Variants in SYNPO2 observed in about 807,000 individuals in gnomAD.
SYNPO2 encodes the protein synaptopodin 2.
In SYNPO2, 56 loss-of-function variants were observed where a neutral mutation model predicts 85.0. The ratio of observed to expected loss-of-function variants is 0.66; its 90% CI spans 0.53 to 0.82. The LOEUF (loss-of-function observed/expected upper bound fraction) is 0.82, where lower values mean the gene tolerates loss of function less well. SYNPO2 is among the 40% of genes least tolerant of loss of function. The pLI, the probability that SYNPO2 is intolerant of heterozygous loss-of-function variation, is 0.00. For synonymous variants in SYNPO2, 602 were observed against 591.1 expected (o/e 1.02, Z -0.27); for missense variants, 1,575 against 1,534.2 (o/e 1.03, Z -0.44).
intron 1 of SYNPO2, among the ~76,000 whole-genome samples, chr4:118,939,306 A>G (rs78762165): frequency 0.026 from 3,931 of 152,298 alleles, 79 homozygotes; most frequent in South Asian, 0.044. Context: ...TTTAATATCC[A>G]AGAGCACAGT....
In SYNPO2 at chr4:118,964,297, A is replaced by AACACACACACACAC. The variant is rs10523074; in HGVS notation, c.106-59102_106-59089dup. ...AACCCTGTCTCTACAAAACACACAC[A>AACACACACACACAC]ACACACACACACACACACACACACA... On this transcript the variant is annotated intron_variant, in intron 1 of 4. Coordinates refer to ENST00000307142, the MANE Select transcript of SYNPO2 (RefSeq NM_133477.3). Among the ~76,000 whole-genome samples, 194 of 140,706 alleles carry AACACACACACACAC rather than the reference A, an allele frequency of 1.4e-3. 3 individuals are homozygous for AACACACACACACAC. Among genetic ancestry groups the AACACACACACACAC allele is most frequent in the African/African-American group, 5.0e-3 (186 of 37,134 alleles). The allele number at this position is 140,706 out of a possible 152,430, so 92.3% of individuals were successfully genotyped here. A position where few individuals can be genotyped will look rare whatever the true frequency, so the allele number is the denominator to read the frequency against.
chr4:118,885,230 C>T (rs899524793), upstream of SYNPO2, among the ~76,000 whole-genome samples: 12 of 152,094 alleles, frequency 7.9e-5, no homozygotes, highest in Non-Finnish European at 5.9e-5. Context: ...TAAAAAAGTT[C>T]GGACTTTATC....
chr4:118,961,896 A>G (rs1329694613), intron 1 of SYNPO2, among the ~76,000 whole-genome samples: 2 of 152,198 alleles, frequency 1.3e-5, no homozygotes, highest in African/African-American at 4.8e-5. Flanking sequence ...CATTTTCAGT[A>G]TATGGCTCTT....
chr4:119,026,502 A>G, intron 2 of SYNPO2, 125 bp from the exon 3 acceptor site: 1 of 1,055,926 alleles, frequency 9.5e-7, no homozygotes, highest in Admixed American at 2.6e-5. Flanking sequence ...ATATGTTGCA[A>G]CTGACATTTA....
At chr4:118,871,610 C>A (rs1288889699) in intron 1 of SYNPO2, among the ~76,000 whole-genome samples, 1 of 149,118 alleles carries the variant, frequency 6.7e-6, no homozygotes, top group Non-Finnish European at 1.5e-5. Context: ...GCTCTGTCAC[C>A]CAGGCTGGAG....
chr4:119,004,552 A>G (rs1217655009), intron 1 of SYNPO2, among the ~76,000 whole-genome samples: 3 of 149,464 alleles, frequency 2.0e-5, no homozygotes, highest in Non-Finnish European at 4.5e-5. Context: ...CAAACGACAT[A>G]AACTCATCAT....
chr4:118,922,253 G>C (rs1208290947), intron 1 of SYNPO2, among the ~76,000 whole-genome samples: 1 of 151,878 alleles, frequency 6.6e-6, no homozygotes, highest in Admixed American at 6.6e-5. Context: ...TTTAATTATC[G>C]ATTCGAATCA....
At chr4:118,957,805 C>CT (rs1395779150) in intron 1 of SYNPO2, among the ~76,000 whole-genome samples, 4 of 152,180 alleles carry the variant, frequency 2.6e-5, no homozygotes, top group African/African-American at 9.7e-5. Flanking sequence ...GTTATTACTC[C>CT]TATCTCGCAG....
intron 1 of SYNPO2, among the ~76,000 whole-genome samples, chr4:118,871,717 T>C (rs11938057): frequency 0.31 from 46,681 of 151,932 alleles, 8,527 homozygotes; most frequent in African/African-American, 0.51. Flanking sequence ...TACAGGCGCC[T>C]GCCACCATGC....
chr4:118,858,099 T>C (rs907503737), intron 1 of SYNPO2, among the ~76,000 whole-genome samples: 2 of 152,190 alleles, frequency 1.3e-5, no homozygotes, highest in Non-Finnish European at 2.9e-5. Context: ...CTTAGGGCTG[T>C]AGCCTCCTTT....
rs545390527 is a variant in SYNPO2 at position 119,031,222 on chromosome 4, C to T, written c.2447C>T (p.Ala816Val). The T allele has an allele frequency of 1.9e-6, 3 of 1,614,178 alleles. No homozygotes were observed. In the Admixed American group the frequency reaches 5.0e-5, roughly 27 times the overall value. ...ATAGCCCAGCCTTCTTACCCTCCTGCCCGGCCTGCAAGTACTTTGAACGTG... is the reference window on the plus strand; with the variant it reads ...ATAGCCCAGCCTTCTTACCCTCCTGTCCGGCCTGCAAGTACTTTGAACGTG... ...IKIAQPSYPP[A>V]RPASTLNVAG... Residue 816 changes from alanine to valine, a missense_variant, in exon 4 of 5, where the codon GCC becomes GTC. Ala to Val is a moderately conservative substitution (Grantham distance 64, BLOSUM62 0). This residue lies in a region of SYNPO2 where 1,508 missense variants were observed against 1,446.8 expected (regional missense o/e 1.04). Coordinates refer to ENST00000307142, the MANE Select transcript of SYNPO2 (RefSeq NM_133477.3).
At chr4:119,010,172 C>T (rs1737237167) in intron 1 of SYNPO2, among the ~76,000 whole-genome samples, 1 of 152,170 alleles carries the variant, frequency 6.6e-6, no homozygotes, top group African/African-American at 2.4e-5. Flanking sequence ...TATGACTTTG[C>T]CTCACTGGCT....
At chr4:118,959,204 G>A (rs1411892650) in intron 1 of SYNPO2, among the ~76,000 whole-genome samples, 1 of 152,172 alleles carries the variant, frequency 6.6e-6, no homozygotes, top group East Asian at 1.9e-4. Flanking sequence ...GGACATCAAA[G>A]GAAAGCAGGT....
intron 4 of SYNPO2, among the ~76,000 whole-genome samples, chr4:119,050,767 C>T (rs535690688): frequency 1.3e-4 from 20 of 152,246 alleles, no homozygotes; most frequent in African/African-American, 4.6e-4. Flanking sequence ...CGTGTGCTCT[C>T]GTGGGTTGAA....
At chr4:118,908,551 A>C (rs903142070) in intron 1 of SYNPO2, among the ~76,000 whole-genome samples, 2 of 152,202 alleles carry the variant, frequency 1.3e-5, no homozygotes, top group African/African-American at 4.8e-5. Flanking sequence ...ATGTTCTAAA[A>C]GCAATGGGCA....
chr4:118,898,297 C>T (rs1578529124), intron 1 of SYNPO2, among the ~76,000 whole-genome samples: 1 of 152,120 alleles, frequency 6.6e-6, no homozygotes, highest in South Asian at 2.1e-4. Context: ...GCTCTGTGTT[C>T]CTGCTCCCAC....
At chr4:119,003,189 G>A (rs1003756192) in intron 1 of SYNPO2, among the ~76,000 whole-genome samples, 9 of 152,184 alleles carry the variant, frequency 5.9e-5, no homozygotes, top group African/African-American at 2.2e-4. Context: ...TATGGCTGGG[G>A]AGGCCTCAGG....
At chr4:118,952,679 A>G (rs1013926768) in intron 1 of SYNPO2, among the ~76,000 whole-genome samples, 1 of 152,154 alleles carries the variant, frequency 6.6e-6, no homozygotes, top group African/African-American at 2.4e-5. Context: ...TATTGTTGGT[A>G]TTTTAGTTAA....
At chr4:119,024,121 C>A (rs541425463) in intron 2 of SYNPO2, among the ~76,000 whole-genome samples, 1 of 152,240 alleles carries the variant, frequency 6.6e-6, no homozygotes, top group East Asian at 1.9e-4. Context: ...TTTTGCACGA[C>A]CAACACAGGT....
Sources: gnomAD v4.1 joint callset for allele counts (sites outside exome capture counted in the v4.1 genomes callset) on GRCh38, gnomAD v4.1.1 for gene constraint, gnomAD v4.1.1 regional missense constraint, MANE v1.5 for transcripts, NCBI Gene and HGNC (gene_info 2026-07-23, HGNC 2026-07-21) for gene names.